Variants in MED27 observed in about 807,000 individuals in gnomAD.
MED27 encodes the protein mediator of RNA polymerase II transcription subunit 27.
MED27 carries 30 observed loss-of-function variants against 38.2 expected under a neutral mutation model. The observed-to-expected ratio is 0.79, with a 90% CI of 0.59 to 1.07. The LOEUF is 1.07. Among genes scored for constraint, MED27 ranks in the 50% least tolerant of loss-of-function variants. The pLI, the probability that MED27 is intolerant of heterozygous loss-of-function variation, is 0.00. For synonymous variants in MED27, 122 were observed against 153.5 expected, an observed-to-expected ratio of 0.79 and a Z score of 1.52; for missense variants, 289 against 397.5, an observed-to-expected ratio of 0.73 and a Z score of 2.32.
rs1206860896 is a variant in MED27, at chr9:132,021,362, T to G, written c.349-6895A>C. Among the ~76,000 whole-genome samples, 6 of 151,946 alleles carry G rather than the reference T, an allele frequency of 3.9e-5. 1 individual carries two copies. Among genetic ancestry groups the G allele is most frequent in the Non-Finnish European group, 8.8e-5 (6 of 68,018 alleles). On this transcript the variant is annotated intron_variant, in intron 2 of 7. Transcript: ENST00000292035. ...AGAATGACTCACATATCTGAATGAA[T>G]TCACTAACAAAGCAAACTAAAATGT...
intron 3 of MED27, among the ~76,000 whole-genome samples, chr9:131,959,855 G>C (rs967954891): frequency 2.0e-5 from 3 of 152,050 alleles, no homozygotes; most frequent in Non-Finnish European, 2.9e-5. Context: ...CATAAAATAC[G>C]TGTTCTTTGC....
intron 2 of MED27, among the ~76,000 whole-genome samples, chr9:132,076,535 AG>A (rs897582185): frequency 3.9e-5 from 6 of 152,172 alleles, no homozygotes; most frequent in African/African-American, 1.4e-4. Context: ...TCAAGACCTA[AG>A]GGGAAAAAAA....
intron 4 of MED27, among the ~76,000 whole-genome samples, chr9:131,922,400 G>A (rs1276625035): frequency 6.7e-6 from 1 of 149,952 alleles, no homozygotes; most frequent in Non-Finnish European, 1.5e-5. Context: ...CAATTGTCCT[G>A]GGTTTGGTGA....
chr9:131,941,661 T>C (rs1830787938), intron 3 of MED27, among the ~76,000 whole-genome samples: 2 of 151,940 alleles, frequency 1.3e-5, no homozygotes. Context: ...GAGACTTTGA[T>C]ATTCTTCAAG....
At chr9:132,041,554 C>T (rs1053757200) in intron 2 of MED27, among the ~76,000 whole-genome samples, 8 of 152,234 alleles carry the variant, frequency 5.3e-5, no homozygotes, top group African/African-American at 1.7e-4. Context: ...ATCTTCCTGT[C>T]GGGCACTGCA....
chr9:131,998,584 C>A (rs1832149487), intron 3 of MED27, among the ~76,000 whole-genome samples: 1 of 152,176 alleles, frequency 6.6e-6, no homozygotes, highest in Non-Finnish European at 1.5e-5. Flanking sequence ...GACGGAAATT[C>A]CATCTACCGT....
chr9:131,988,292 CA>C (rs1487548139), intron 3 of MED27, among the ~76,000 whole-genome samples: 1 of 152,116 alleles, frequency 6.6e-6, no homozygotes, highest in African/African-American at 2.4e-5. Context: ...TTAAAGGAGC[CA>C]TTTATTCTGG....
Position 132,078,145 on chromosome 9 carries a change from T to G in MED27, c.204-559A>C, listed in dbSNP as rs188910150. 2.0e-5 allele frequency among the ~76,000 whole-genome samples: 3 copies of G among 152,220 alleles called. No homozygotes were observed. In the East Asian group the frequency reaches 5.8e-4, roughly 29 times the overall value. On this transcript the variant is annotated intron_variant, in intron 1 of 7. Transcript: ENST00000292035. ...GGTGGCTGTGTCAAACAAACACACTTCAGTCTAGCAGGAAAACCCTAGAGA... is the reference window on the plus strand; with the variant it reads ...GGTGGCTGTGTCAAACAAACACACTGCAGTCTAGCAGGAAAACCCTAGAGA...
intron 4 of MED27, among the ~76,000 whole-genome samples, chr9:131,910,024 A>G (rs561056175): frequency 1.3e-5 from 2 of 152,348 alleles, no homozygotes; most frequent in Admixed American, 6.5e-5. Context: ...ATAAGATTTG[A>G]ATAGTAGCAG....
At chr9:132,009,940 G>A (rs1832445177) in intron 3 of MED27, among the ~76,000 whole-genome samples, 1 of 152,272 alleles carries the variant, frequency 6.6e-6, no homozygotes, top group East Asian at 1.9e-4. Flanking sequence ...AAATTTGTTT[G>A]AGTTCTTTGT....
chr9:132,008,575 T>C (rs1238428573), intron 3 of MED27, among the ~76,000 whole-genome samples: 3 of 152,234 alleles, frequency 2.0e-5, no homozygotes, highest in African/African-American at 7.2e-5. Flanking sequence ...GAATCATTAA[T>C]CCCATGAATC....
intron 3 of MED27, among the ~76,000 whole-genome samples, chr9:131,954,893 T>C (rs1831066188): frequency 1.3e-5 from 2 of 152,272 alleles, no homozygotes; most frequent in South Asian, 4.1e-4. Context: ...AAATAGTCAA[T>C]ACCACGCCTC....
rs1830231241 is a variant in MED27, at chr9:131,913,706, C to T, written c.574-19714G>A. Among the ~76,000 whole-genome samples, 1 of 152,194 alleles carries T rather than the reference C, an allele frequency of 6.6e-6. No individual in the cohort carries two copies. The highest frequency in any genetic ancestry group is 1.5e-5 in the Non-Finnish European group (1 of 68,040). Reference sequence around the variant, plus strand: ...TCCATGGCTAGGTGGCAGTAGGTTTCTCCAGGTGTGGACCCCAGCCCAACT... The same window carrying T: ...TCCATGGCTAGGTGGCAGTAGGTTTTTCCAGGTGTGGACCCCAGCCCAACT... On this transcript the variant is annotated intron_variant, in intron 4 of 7. Transcript: ENST00000292035. This position sits in a 1 kb window ranked among gnomAD's most constrained non-coding sequence, Gnocchi z 4.5.
At chr9:131,869,120 C>T (rs1404089637) in intron 6 of MED27, 1 of 985,268 alleles carries the variant, frequency 1.0e-6, no homozygotes, top group African/African-American at 1.7e-5. Context: ...CACTTGATTT[C>T]TTCAATTTCC....
intron 2 of MED27, among the ~76,000 whole-genome samples, chr9:132,038,944 A>C (rs1833144388): frequency 6.6e-6 from 1 of 152,214 alleles, no homozygotes; most frequent in Non-Finnish European, 1.5e-5. Flanking sequence ...GCTGGTAGAG[A>C]ACAGGCAGCA....
intron 2 of MED27, among the ~76,000 whole-genome samples, chr9:132,065,253 C>T (rs1833783498): frequency 6.6e-6 from 1 of 152,174 alleles, no homozygotes; most frequent in Non-Finnish European, 1.5e-5. Flanking sequence ...GACCAGAATG[C>T]ACCGTGGCGG....
chr9:131,948,771 T>C (rs1830932978), intron 3 of MED27, among the ~76,000 whole-genome samples: 1 of 152,178 alleles, frequency 6.6e-6, no homozygotes, highest in Non-Finnish European at 1.5e-5. Context: ...GCTGGCAAGA[T>C]GAGGAAGAGC....
chr9:132,038,976 CATG>C (rs1262605448), intron 2 of MED27, among the ~76,000 whole-genome samples: 2 of 152,184 alleles, frequency 1.3e-5, no homozygotes, highest in Non-Finnish European at 2.9e-5. Context: ...CCAGCCAGTC[CATG>C]GCAGGGCTAC....
In MED27 at chr9:131,947,689, A is replaced by C. The variant is rs554849879; in HGVS notation, c.480-8215T>G. Among the ~76,000 whole-genome samples the C allele has an allele frequency of 2.4e-4, 37 of 152,168 alleles. No homozygotes were observed. The East Asian group carries it at 4.6e-3, about 19-fold the overall frequency. Reference sequence around the variant, plus strand: ...GACCCCCTCCTCAAAAGAAAAAAAAAACACACACACACAACAAATCTGGGC... The same window carrying C: ...GACCCCCTCCTCAAAAGAAAAAAAACACACACACACACAACAAATCTGGGC... On this transcript the variant is annotated intron_variant, in intron 3 of 7. Transcript: ENST00000292035.
Sources: allele counts gnomAD v4.1 joint callset (sites outside exome capture counted in the v4.1 genomes callset), GRCh38; gene constraint gnomAD v4.1.1; non-coding constraint Gnocchi (gnomAD v3.1); transcripts MANE v1.5; gene names NCBI Gene and HGNC (gene_info 2026-07-23, HGNC 2026-07-21).